Variants in LRP8 observed in about 807,000 individuals in gnomAD.
The protein encoded by LRP8 is LDL receptor related protein 8.
Under a neutral mutation model 111.6 loss-of-function variants are expected in LRP8, and 46 were observed. That is an observed-to-expected ratio of 0.41 (90% CI 0.33 to 0.53). LRP8 has a LOEUF of 0.53. LRP8 is among the 20% of genes least tolerant of loss of function. The pLI is 0.20. For synonymous variants in LRP8, 464 were observed against 511.2 expected, an observed-to-expected ratio of 0.91 and a Z score of 1.24; for missense variants, 959 against 1,297.4, an observed-to-expected ratio of 0.74 and a Z score of 4.01.
chr1:53,261,297 C>A (rs1030254054), intron 12 of LRP8, among the ~76,000 whole-genome samples: 1 of 152,244 alleles, frequency 6.6e-6, no homozygotes, highest in Non-Finnish European at 1.5e-5. Flanking sequence ...TGTATATAAA[C>A]AAGCACAAAC....
Position 53,264,247 on chromosome 1 carries a change from A to T in LRP8, c.1577T>A (p.Val526Asp). 1.2e-6 allele frequency: 2 copies of T among 1,614,152 alleles called. No individual in the cohort carries two copies. Among genetic ancestry groups the T allele is most frequent in the Non-Finnish European group, 1.7e-6 (2 of 1,180,006 alleles). ...SGNKTISVAT[V>D]DGGRRRTLFS... ...GAGAGTGCGTCGGCGGCCACCATCA[A>T]CTGTGGCCACTGAGATGGTCTTATT... Residue 526 changes from valine to aspartate, a missense_variant, in exon 10 of 19, where the codon GTT (valine) becomes GAT (aspartate). This residue lies in a region of LRP8 where 819 missense variants were observed against 1,097.6 expected (regional missense o/e 0.75). Transcript: ENST00000306052.
At position 53,275,500 on chromosome 1, in the gene LRP8, C is replaced by T. The variant is rs1483112285; in HGVS notation, c.1006+131G>A. 2.4e-6 allele frequency: 3 copies of T among 1,227,094 alleles called. No individual in the cohort carries two copies. Among genetic ancestry groups the T allele is most frequent in the African/African-American group, 3.0e-5 (2 of 66,874 alleles). The allele number at this position is 1,227,094 out of a possible 1,614,324, so 76.0% of individuals were successfully genotyped here. ...GAAAGGGAGCCAGGTGATTTAGGGG[C>T]AAGTGATGCTCTGGGGGAAAATGCA... is the stretch of plus-strand genomic sequence containing the variant. On this transcript the variant is annotated intron_variant, in intron 6 of 18. Transcript: ENST00000306052. The surrounding 1 kb of genome is among the most constrained non-coding windows in gnomAD (Gnocchi z 4.4).
chr1:53,311,365 C>T (rs942161508), intron 2 of LRP8, among the ~76,000 whole-genome samples: 1 of 152,142 alleles, frequency 6.6e-6, no homozygotes, highest in African/African-American at 2.4e-5. Context: ...ACTTTCTTGT[C>T]CCCTGGCAGT....
chr1:53,324,768 C>T (rs139221799), intron 2 of LRP8, among the ~76,000 whole-genome samples: 74 of 152,284 alleles, frequency 4.9e-4, no homozygotes, highest in Non-Finnish European at 7.2e-4. Flanking sequence ...GGAGCTGAAA[C>T]GCACCAGGCC....
intron 2 of LRP8, among the ~76,000 whole-genome samples, chr1:53,308,976 C>G (rs1307705888): frequency 6.6e-6 from 1 of 152,176 alleles, no homozygotes; most frequent in Non-Finnish European, 1.5e-5. Flanking sequence ...CCTCAGAGGG[C>G]TGTTAAAGGA....
chr1:53,253,518 T>C (rs901335562), intron 16 of LRP8, among the ~76,000 whole-genome samples: 4 of 151,964 alleles, frequency 2.6e-5, no homozygotes, highest in Middle Eastern at 3.2e-3. Context: ...CACAGGGAAA[T>C]GTCAGGGAAA....
chr1:53,289,815 A>T (rs572187908), intron 2 of LRP8, 126 bp from the exon 3 acceptor site: 2 of 1,229,672 alleles, frequency 1.6e-6, no homozygotes, highest in East Asian at 5.1e-5. Context: ...AGAGGACAGG[A>T]GAGACAAGCT....
chr1:53,294,435 AAACTGCGCCCTGCCACTTGT>A lies in LRP8; in HGVS notation c.245-4766_245-4747del, dbSNP rs1572584380. ...AGTGCCAGACAGTCCATGGTCTATC[AAACTGCGCCCTGCCACTTGT>A]AGGCTATGTGACCTTACACAAGTTA... On this transcript the variant is annotated intron_variant, in intron 2 of 18. Coordinates refer to ENST00000306052, the MANE Select transcript of LRP8 (RefSeq NM_004631.5). The surrounding 1 kb of genome is among the most constrained non-coding windows in gnomAD (Gnocchi z 4.1). 2.6e-5 allele frequency among the ~76,000 whole-genome samples: 4 copies of A among 152,318 alleles called. No individual in the cohort carries two copies. In the East Asian group the frequency reaches 7.7e-4, roughly 29 times the overall value.
At chr1:53,309,431 G>A (rs573490718) in intron 2 of LRP8, among the ~76,000 whole-genome samples, 37 of 152,238 alleles carry the variant, frequency 2.4e-4, no homozygotes, top group African/African-American at 8.2e-4. Flanking sequence ...CTGCCAAGAC[G>A]CCCCTGTGCA....
rs1366031105 is a variant in LRP8, at chr1:53,249,207, C to T, written c.2853+173G>A. On this transcript the variant is annotated intron_variant, in intron 18 of 18. Coordinates refer to ENST00000306052, the MANE Select transcript of LRP8 (RefSeq NM_004631.5). This position sits in a 1 kb window ranked among gnomAD's most constrained non-coding sequence, Gnocchi z 4.1. ...GCCCTGCCCCAAACTTGATTGCTTTCTTCCACATGCCATTCATTGGTCTGT... is the reference window on the plus strand; with the variant it reads ...GCCCTGCCCCAAACTTGATTGCTTTTTTCCACATGCCATTCATTGGTCTGT... Among the ~76,000 whole-genome samples the T allele has an allele frequency of 4.6e-5, 7 of 152,210 alleles. No individual in the cohort carries two copies. In the East Asian group the frequency reaches 1.3e-3, roughly 29 times the overall value.
At position 53,257,395 on chromosome 1, in the gene LRP8, G is replaced by A. The variant is rs1400257040; in HGVS notation, c.2279C>T (p.Ala760Val). ...GGATCTGTGGACGGTGGTCCCGGGG[G>A]CTCTTGTGGTGGCAGGTACTGTCCT... Reference protein sequence around the residue: ...MTRTVPATTRAPGTTVHRSTY... With the variant: ...MTRTVPATTRVPGTTVHRSTY... Residue 760 changes from alanine (A) to valine (V), a missense_variant, in exon 15 of 19, where the codon GCC becomes GTC. This residue lies in a region of LRP8 where 819 missense variants were observed against 1,097.6 expected (regional missense o/e 0.75). Coordinates refer to ENST00000306052, the MANE Select transcript of LRP8 (RefSeq NM_004631.5). The A allele has an allele frequency of 6.2e-7, 1 of 1,614,124 alleles. No individual in the cohort carries two copies. Among genetic ancestry groups the A allele is most frequent in the African/African-American group, 1.3e-5 (1 of 75,016 alleles).
At chr1:53,310,084 A>AG (rs1417907596) in intron 2 of LRP8, among the ~76,000 whole-genome samples, 2 of 152,074 alleles carry the variant, frequency 1.3e-5, no homozygotes, top group African/African-American at 2.4e-5. Flanking sequence ...CCTGGCCTTC[A>AG]GGGGGACAGG....
rs528006585 is a variant in LRP8, at chr1:53,280,165, C to T, written c.496+422G>A. Among the ~76,000 whole-genome samples, 9 of 152,174 alleles carry T rather than the reference C, an allele frequency of 5.9e-5. No individual in the cohort carries two copies. The East Asian group carries it at 1.2e-3, about 20-fold the overall frequency. On this transcript the variant is annotated intron_variant, in intron 4 of 18. Transcript: ENST00000306052. ...TTGCTGGCGCCCTGGCTCAGACCACCGCCATTTCTCCACGCAGCACCCTCC... is the reference window on the plus strand; with the variant it reads ...TTGCTGGCGCCCTGGCTCAGACCACTGCCATTTCTCCACGCAGCACCCTCC...
intron 6 of LRP8, chr1:53,274,862 T>C (rs1445009431): frequency 2.2e-6 from 1 of 455,800 alleles, no homozygotes; most frequent in African/African-American, 2.0e-5. Context: ...CTGTGAGACC[T>C]TGGACAAGAA....
At chr1:53,307,315 C>T (rs2100512803) in intron 2 of LRP8, 1 of 152,358 alleles carries the variant, frequency 6.6e-6, no homozygotes. Context: ...GCACTTGCCA[C>T]ACTTACCCCG....
intron 3 of LRP8, among the ~76,000 whole-genome samples, chr1:53,285,025 C>T (rs1318979745): frequency 6.6e-6 from 1 of 152,202 alleles, no homozygotes; most frequent in Non-Finnish European, 1.5e-5. Flanking sequence ...TCGCAGGGTC[C>T]CAGGTCAGGC....
Position 53,262,342 on chromosome 1 carries a change from A to T in LRP8, c.1774+104T>A, listed in dbSNP as rs970660739. ...ACGGCAACCATTAGGAAACAAAGTC[A>T]CTGGCACCATGAGAGGACCCAGAAA... On this transcript the variant is annotated intron_variant, in intron 11 of 18. Coordinates refer to ENST00000306052, the MANE Select transcript of LRP8 (RefSeq NM_004631.5). The surrounding 1 kb of genome is among the most constrained non-coding windows in gnomAD (Gnocchi z 4.8). 186 of 1,515,254 alleles carry T rather than the reference A, an allele frequency of 1.2e-4. 1 individual carries two copies. Among genetic ancestry groups the T allele is most frequent in the Non-Finnish European group, 1.5e-4 (168 of 1,099,486 alleles). 93.9% of individuals were successfully genotyped at this position (1,515,254 alleles called of 1,614,324 possible).
At chr1:53,296,052 G>A (rs1469508106) in intron 2 of LRP8, among the ~76,000 whole-genome samples, 1 of 152,126 alleles carries the variant, frequency 6.6e-6, no homozygotes, top group East Asian at 1.9e-4. Flanking sequence ...AAGCTGCAGG[G>A]ACCCCACTGG....
At chr1:53,270,490 C>T (rs1465731964) in intron 8 of LRP8, among the ~76,000 whole-genome samples, 1 of 152,144 alleles carries the variant, frequency 6.6e-6, no homozygotes, top group Non-Finnish European at 1.5e-5. Flanking sequence ...AGTATTTGTG[C>T]CCAGAGCTGG....
Sources: allele counts gnomAD v4.1 joint callset (sites outside exome capture counted in the v4.1 genomes callset), GRCh38; gene constraint gnomAD v4.1.1; regional missense constraint gnomAD v4.1.1; non-coding constraint Gnocchi (gnomAD v3.1); transcripts MANE v1.5; gene names NCBI Gene and HGNC (gene_info 2026-07-23, HGNC 2026-07-21).